TINAG: variants seen among roughly 807,000 people sequenced by gnomAD.
TINAG encodes the protein tubulointerstitial nephritis antigen.
Under a neutral mutation model 72.7 loss-of-function variants are expected in TINAG, and 83 were observed. The ratio of observed to expected loss-of-function variants is 1.14; its 90% CI spans 0.96 to 1.37. The LOEUF is 1.37. Ranked by LOEUF, TINAG falls within the 40% of genes most tolerant of loss-of-function variation. The pLI, the probability that TINAG is intolerant of heterozygous loss-of-function variation, is 0.00. For missense variants in TINAG, 685 were observed against 576.6 expected (o/e 1.19, Z -1.93); for synonymous variants, 234 against 189.9 (o/e 1.23, Z -1.91).
intron 3 of TINAG, among the ~76,000 whole-genome samples, chr6:54,322,637 A>G (rs529155778): frequency 6.6e-6 from 1 of 152,306 alleles, no homozygotes; most frequent in Non-Finnish European, 1.5e-5. Flanking sequence ...ACTAAATTTC[A>G]ATGTATTCAA....
intron 10 of TINAG, among the ~76,000 whole-genome samples, chr6:54,385,397 G>T (rs139425093): frequency 2.0e-3 from 299 of 151,444 alleles, no homozygotes; most frequent in African/African-American, 6.9e-3. Flanking sequence ...AAATATAGAT[G>T]AAATGGATAA....
chr6:54,358,707 A>G (rs938083434), intron 9 of TINAG, among the ~76,000 whole-genome samples: 2 of 151,800 alleles, frequency 1.3e-5, no homozygotes, highest in South Asian at 4.1e-4. Context: ...GACTTATAAT[A>G]AATTCCTTAC....
chr6:54,349,117 T>G (rs2150959171), intron 6 of TINAG, among the ~76,000 whole-genome samples: 1 of 152,064 alleles, frequency 6.6e-6, no homozygotes, highest in South Asian at 2.1e-4. Flanking sequence ...ACATGTCTGA[T>G]AGTTTTCTAC....
chr6:54,336,159 G>A (rs966536863), intron 4 of TINAG, among the ~76,000 whole-genome samples: 6 of 152,012 alleles, frequency 3.9e-5, no homozygotes, highest in South Asian at 2.1e-4. Context: ...AATGGTGGTA[G>A]TATCTAGCTC....
intron 1 of TINAG, among the ~76,000 whole-genome samples, chr6:54,313,767 CAT>C (rs1238632368): frequency 1.3e-5 from 2 of 151,878 alleles, no homozygotes; most frequent in South Asian, 2.1e-4. Flanking sequence ...ATAATTTACT[CAT>C]ATGATTTAAA....
chr6:54,317,931 G>T (rs1784409677), intron 1 of TINAG, among the ~76,000 whole-genome samples: 1 of 151,874 alleles, frequency 6.6e-6, no homozygotes, highest in Non-Finnish European at 1.5e-5. Flanking sequence ...GTCTGTTTTT[G>T]TGTTCTTGGC....
At chr6:54,343,838 T>C (rs1354574456) in intron 5 of TINAG, among the ~76,000 whole-genome samples, 6 of 152,152 alleles carry the variant, frequency 3.9e-5, no homozygotes, top group Non-Finnish European at 7.4e-5. Context: ...TTTAAATAAA[T>C]ATAAGCAAAT....
At position 54,327,463 on chromosome 6, in the gene TINAG, A is replaced by G. The variant is rs140896315; in HGVS notation, c.624+547A>G. On this transcript the variant is annotated intron_variant, in intron 4 of 10. Coordinates refer to ENST00000259782, the MANE Select transcript of TINAG (RefSeq NM_014464.4). ...CCATGGTCTTCGCAATCCGCAAACCAGGAGATTCCCTCAGGTGCCTACACT... is the reference window on the plus strand; with the variant it reads ...CCATGGTCTTCGCAATCCGCAAACCGGGAGATTCCCTCAGGTGCCTACACT... Among the ~76,000 whole-genome samples the G allele has an allele frequency of 3.2e-3, 489 of 152,276 alleles. 4 individuals are homozygous for G. The highest frequency in any genetic ancestry group is 0.011 in the African/African-American group (463 of 41,556).
At chr6:54,348,188 A>G (rs1019781155) in intron 6 of TINAG, among the ~76,000 whole-genome samples, 2 of 152,110 alleles carry the variant, frequency 1.3e-5, no homozygotes, top group African/African-American at 2.4e-5. Context: ...TGGGTCTGCT[A>G]TAGGACTAGT....
In TINAG at chr6:54,308,471, T is replaced by C; in HGVS notation, c.-80T>C. The C allele has an allele frequency of 8.2e-7, 1 of 1,215,940 alleles. No individual in the cohort carries two copies. The highest frequency in any genetic ancestry group is 1.1e-6 in the Non-Finnish European group (1 of 870,502). The allele number at this position is 1,215,940 out of a possible 1,614,324, so 75.3% of individuals were successfully genotyped here. A position where few individuals can be genotyped will look rare whatever the true frequency, so the allele number is the denominator to read the frequency against. ...GGCTGAAGTGTCTTAATGACTAGAA[T>C]TCAGGTTCCAAGGAGAAGCCCACAA... On this transcript the variant is annotated 5_prime_UTR_variant, in exon 1 of 11. Coordinates refer to ENST00000259782, the MANE Select transcript of TINAG (RefSeq NM_014464.4).
At chr6:54,332,851 C>T (rs1396243237) in intron 4 of TINAG, among the ~76,000 whole-genome samples, 1 of 152,082 alleles carries the variant, frequency 6.6e-6, no homozygotes, top group African/African-American at 2.4e-5. Context: ...ATGCAGCCAA[C>T]AAACATATGA....
chr6:54,364,917 A>T (rs567234775), intron 9 of TINAG, among the ~76,000 whole-genome samples: 1 of 151,642 alleles, frequency 6.6e-6, no homozygotes, highest in South Asian at 2.1e-4. Flanking sequence ...AAGAAATCCA[A>T]GATCATAAAT....
At chr6:54,331,594 G>T (rs1323871679) in intron 4 of TINAG, among the ~76,000 whole-genome samples, 1 of 152,132 alleles carries the variant, frequency 6.6e-6, no homozygotes, top group Admixed American at 6.5e-5. Context: ...ACATAGTATT[G>T]GAAGTTCTGG....
chr6:54,390,011 A>C lies in TINAG; in HGVS notation c.*86A>C. 6.6e-7 allele frequency: 1 copy of C among 1,521,376 alleles called. No homozygotes were observed. Among genetic ancestry groups the C allele is most frequent in the East Asian group, 2.3e-5 (1 of 43,554 alleles). 94.2% of individuals were successfully genotyped at this position (1,521,376 alleles called of 1,614,324 possible). A position where few individuals can be genotyped will look rare whatever the true frequency, so the allele number is the denominator to read the frequency against. On this transcript the variant is annotated 3_prime_UTR_variant, in exon 11 of 11. Coordinates refer to ENST00000259782, the MANE Select transcript of TINAG (RefSeq NM_014464.4). The stretch of plus-strand genomic sequence containing the variant: ...AATATGACATTCTTGGTGACAGTGG[A>C]ATCTTTGTCTCTTCACCGTGTTAAC...
chr6:54,334,773 C>T (rs892115485), intron 4 of TINAG, among the ~76,000 whole-genome samples: 1 of 152,116 alleles, frequency 6.6e-6, no homozygotes, highest in Non-Finnish European at 1.5e-5. Flanking sequence ...AGTAGAATTC[C>T]AATATAGCGT....
chr6:54,340,347 A>G (rs1355627894), intron 4 of TINAG, among the ~76,000 whole-genome samples: 1 of 151,510 alleles, frequency 6.6e-6, no homozygotes, highest in Non-Finnish European at 1.5e-5. Flanking sequence ...TCATTTTGGA[A>G]TTTCTGTCAC....
rs773348851 is a variant in TINAG, at chr6:54,321,343, G to T, written c.466G>T (p.Val156Phe). 10 of 1,613,662 alleles carry T rather than the reference G, an allele frequency of 6.2e-6. No individual in the cohort carries two copies. The highest frequency in any genetic ancestry group is 2.7e-5 in the African/African-American group (2 of 74,914). The change falls in exon 3 of 11, where the codon GTT (valine) becomes TTT (phenylalanine). Residue 156 changes from valine to phenylalanine, a missense_variant. Coordinates refer to ENST00000259782, the MANE Select transcript of TINAG (RefSeq NM_014464.4). ...QWKCSQHVCL[V>F]RSELIEQVNK... is the part of the protein sequence containing the mutation. ...GAAATGTTCCCAGCATGTATGCCTTGTTCGTTCAGAATTAATTGAACAGGT... is the reference window on the plus strand; with the variant it reads ...GAAATGTTCCCAGCATGTATGCCTTTTTCGTTCAGAATTAATTGAACAGGT...
intron 9 of TINAG, among the ~76,000 whole-genome samples, chr6:54,375,660 A>G (rs1763757786): frequency 1.3e-5 from 2 of 152,226 alleles, no homozygotes; most frequent in Middle Eastern, 3.4e-3. Context: ...GGCTCAACAA[A>G]TATCTATTTA....
chr6:54,328,368 A>C (rs1784657426), intron 4 of TINAG, among the ~76,000 whole-genome samples: 1 of 152,124 alleles, frequency 6.6e-6, no homozygotes, highest in Non-Finnish European at 1.5e-5. Flanking sequence ...GCAGACCTGC[A>C]GGAGAGGGGC....
Sources: allele counts gnomAD v4.1 joint callset (sites outside exome capture counted in the v4.1 genomes callset), GRCh38; gene constraint gnomAD v4.1.1; transcripts MANE v1.5; gene names NCBI Gene and HGNC (gene_info 2026-07-23, HGNC 2026-07-21).